The following TRAM2 variants were observed in gnomAD, a reference collection of about 807,000 sequenced individuals.
TRAM2 encodes translocation associated membrane protein 2.
A neutral mutation model predicts 51.0 loss-of-function variants in TRAM2; 12 were observed. The observed-to-expected ratio is 0.24, with a 90% CI of 0.15 to 0.38. The LOEUF (loss-of-function observed/expected upper bound fraction) is 0.38, where lower values mean the gene tolerates loss of function less well. Ranked by LOEUF, TRAM2 falls within the 10% of genes least tolerant of loss-of-function variation. The probability of loss-of-function intolerance (pLI) is 1.00; values close to 1 mark genes in which losing one functional copy is unlikely to be tolerated. For missense variants in TRAM2, 361 were observed against 462.0 expected (o/e 0.78, Z 2.00); for synonymous variants, 175 against 179.4 (o/e 0.98, Z 0.20).
intron 2 of TRAM2, chr6:52,523,319 A>C (rs1477831220): frequency 5.9e-6 from 1 of 168,392 alleles, no homozygotes; most frequent in African/African-American, 2.4e-5. Context: ...ACAAAGGGCT[A>C]ATCTTGCTAA....
At chr6:52,575,359 C>T (rs1226353339) in intron 1 of TRAM2, among the ~76,000 whole-genome samples, 1 of 152,160 alleles carries the variant, frequency 6.6e-6, no homozygotes, top group Non-Finnish European at 1.5e-5. Flanking sequence ...GAACCCAGAA[C>T]AAGGTGGAGC....
In TRAM2 at chr6:52,576,906, G is replaced by A. The variant is rs1166280675; in HGVS notation, c.10C>T (p.Arg4Cys). 6.2e-7 allele frequency: 1 copy of A among 1,612,248 alleles called. No homozygotes were observed. The highest frequency in any genetic ancestry group is 1.3e-5 in the African/African-American group (1 of 74,850). MAF[R>C]RRTKSYPLFS... ...AGCGGGTAACTTTTCGTCCTCCTGC[G>A]GAAAGCCATGGCAGCGGGCGCGCAG... Residue 4 changes from arginine (R) to cysteine (C), a missense_variant, in exon 1 of 11, where the codon CGC becomes TGC. Physicochemically the swap from Arg to Cys is radical, Grantham distance 180. Coordinates refer to ENST00000182527, the MANE Select transcript of TRAM2 (RefSeq NM_012288.4).
rs1008312479 is a variant in TRAM2 at position 52,500,186 on chromosome 6, C to T, written c.*3011G>A. On this transcript the variant is annotated 3_prime_UTR_variant, in exon 11 of 11. Transcript: ENST00000182527. ...CTCTTGGTGCATGGTGCTGAGCTCT[C>T]AAGCTTGGAGGTGTCTGGCAGAGCC... 3 of 152,244 alleles carry T rather than the reference C, an allele frequency of 2.0e-5. No homozygotes were observed. Among genetic ancestry groups the T allele is most frequent in the South Asian group, 2.1e-4 (1 of 4,832 alleles). The allele number at this position is 152,244 out of a possible 1,614,324, so 9.4% of individuals were successfully genotyped here. A position where few individuals can be genotyped will look rare whatever the true frequency, so the allele number is the denominator to read the frequency against.
intron 2 of TRAM2, among the ~76,000 whole-genome samples, chr6:52,519,474 A>G (rs965693028): frequency 2.0e-5 from 3 of 152,250 alleles, no homozygotes; most frequent in Non-Finnish European, 4.4e-5. Flanking sequence ...AAAACAAACA[A>G]GCAAAAAACA....
intron 1 of TRAM2, among the ~76,000 whole-genome samples, chr6:52,541,831 A>C (rs1394174508): frequency 1.7e-5 from 2 of 120,812 alleles, no homozygotes; most frequent in African/African-American, 6.0e-5. Context: ...AGACACATCC[A>C]TGCATTGGCA....
chr6:52,545,755 A>C (rs1377285004), intron 1 of TRAM2, among the ~76,000 whole-genome samples: 1 of 152,068 alleles, frequency 6.6e-6, no homozygotes, highest in Non-Finnish European at 1.5e-5. Context: ...CCATCTTAAA[A>C]TTCCACAGGC....
At chr6:52,527,622 G>A (rs1454218708) in intron 2 of TRAM2, among the ~76,000 whole-genome samples, 5 of 152,120 alleles carry the variant, frequency 3.3e-5, no homozygotes, top group African/African-American at 9.7e-5. Context: ...CACCGTTCCC[G>A]CTGACTGCAG....
intron 1 of TRAM2, among the ~76,000 whole-genome samples, chr6:52,552,067 G>A (rs1337754878): frequency 6.6e-6 from 1 of 152,258 alleles, no homozygotes; most frequent in African/African-American, 2.4e-5. Context: ...ACGTTAACAC[G>A]GAAACCCTAG....
intron 2 of TRAM2, chr6:52,525,043 A>G (rs566420124): frequency 6.6e-6 from 1 of 152,214 alleles, no homozygotes; most frequent in Non-Finnish European, 1.5e-5. Flanking sequence ...TCATGGGAAC[A>G]TTTACTCTTC....
chr6:52,575,049 C>A (rs549948839), intron 1 of TRAM2, among the ~76,000 whole-genome samples: 3 of 152,336 alleles, frequency 2.0e-5, no homozygotes, highest in Admixed American at 2.0e-4. Flanking sequence ...AGCAAACAGA[C>A]AGCAGAGAAT....
At chr6:52,574,934 C>T (rs77935980) in intron 1 of TRAM2, among the ~76,000 whole-genome samples, 5,406 of 152,216 alleles carry the variant, frequency 0.036, 181 homozygotes, top group African/African-American at 0.081. Context: ...GAAACTTCGT[C>T]GCTGCAGCCT....
chr6:52,511,783 T>C (rs1258625303), intron 4 of TRAM2, among the ~76,000 whole-genome samples: 5 of 135,720 alleles, frequency 3.7e-5, no homozygotes. Flanking sequence ...TGATAAGTCC[T>C]TTTATCGGAT....
In TRAM2 at chr6:52,500,558, C is replaced by A. The variant is rs1199395444; in HGVS notation, c.*2639G>T. 3 of 147,468 alleles carry A rather than the reference C, an allele frequency of 2.0e-5. No homozygotes were observed. The highest frequency in any genetic ancestry group is 4.4e-5 in the Non-Finnish European group (3 of 67,434). The allele number at this position is 147,468 out of a possible 1,614,324, so 9.1% of individuals were successfully genotyped here. On this transcript the variant is annotated 3_prime_UTR_variant, in exon 11 of 11. Coordinates refer to ENST00000182527, the MANE Select transcript of TRAM2 (RefSeq NM_012288.4). ...TTTTTTTTTTTTTACATAAAATAAA[C>A]CCTTAGCACACCCGTCCACTGGGAA... is the stretch of plus-strand genomic sequence containing the variant.
rs536713327 is a variant in TRAM2, at chr6:52,549,343, T to C, written c.121-13497A>G. ...CCTGAGTTCATCAGTGGGGATACCA[T>C]CTATTCCAGCATGGTGCGCATTTCA... On this transcript the variant is annotated intron_variant, in intron 1 of 10. Transcript: ENST00000182527. 9.1e-5 allele frequency among the ~76,000 whole-genome samples: 13 copies of C among 142,862 alleles called. No individual in the cohort carries two copies. The South Asian group carries it at 3.0e-3, about 33-fold the overall frequency. 93.7% of individuals were successfully genotyped at this position (142,862 alleles called of 152,430 possible). A position where few individuals can be genotyped will look rare whatever the true frequency, so the allele number is the denominator to read the frequency against.
At position 52,554,198 on chromosome 6, in the gene TRAM2, G is replaced by A. The variant is rs866044556; in HGVS notation, c.121-18352C>T. ...TTTGCTTACTGCACCCCTGGGAAGGGATGCGGAGGCAGGGCATCCCACTTT... is the reference window on the plus strand; with the variant it reads ...TTTGCTTACTGCACCCCTGGGAAGGAATGCGGAGGCAGGGCATCCCACTTT... On this transcript the variant is annotated intron_variant, in intron 1 of 10. Transcript: ENST00000182527. Among the ~76,000 whole-genome samples, 40 of 152,180 alleles carry A rather than the reference G, an allele frequency of 2.6e-4. 1 individual carries two copies. Among genetic ancestry groups the A allele is most frequent in the African/African-American group, 8.7e-4 (36 of 41,440 alleles).
chr6:52,570,681 G>C (rs1309207625), intron 1 of TRAM2, among the ~76,000 whole-genome samples: 4 of 151,940 alleles, frequency 2.6e-5, no homozygotes, highest in Admixed American at 6.6e-5. Flanking sequence ...GAGGAAAGCC[G>C]TCACGAGGCA....
chr6:52,514,168 A>C (rs1766500017), intron 4 of TRAM2, among the ~76,000 whole-genome samples: 1 of 152,232 alleles, frequency 6.6e-6, no homozygotes. Flanking sequence ...TTTGGGAGGC[A>C]GAGCTGGCAG....
chr6:52,504,066 G>T (rs576319979), intron 10 of TRAM2, among the ~76,000 whole-genome samples: 1 of 152,304 alleles, frequency 6.6e-6, no homozygotes, highest in African/African-American at 2.4e-5. Context: ...CTGAAGGTGG[G>T]TGATGACTGG....
chr6:52,511,238 G>A (rs1485766798), intron 4 of TRAM2, among the ~76,000 whole-genome samples: 2 of 152,184 alleles, frequency 1.3e-5, no homozygotes, highest in African/African-American at 4.8e-5. Flanking sequence ...CTGAGTAGCT[G>A]GGATTACAAG....
Sources: gnomAD v4.1 joint callset for allele counts (sites outside exome capture counted in the v4.1 genomes callset) on GRCh38, gnomAD v4.1.1 for gene constraint, MANE v1.5 for transcripts, NCBI Gene and HGNC (gene_info 2026-07-23, HGNC 2026-07-21) for gene names.